The following SCP2 variants were observed in gnomAD, a reference collection of about 807,000 sequenced individuals.
SCP2 encodes SCP-2/3-oxoacyl-CoA thiolase.
A neutral mutation model predicts 71.4 loss-of-function variants in SCP2; 48 were observed. The ratio of observed to expected loss-of-function variants is 0.67; its 90% CI spans 0.53 to 0.86. The LOEUF is 0.86. SCP2 is among the 40% of genes least tolerant of loss of function. The pLI is 0.00. For synonymous variants in SCP2, 220 were observed against 218.1 expected (o/e 1.01, Z -0.08); for missense variants, 560 against 655.6 (o/e 0.85, Z 1.59).
At chr1:53,009,163 G>A (rs1351817516) in intron 11 of SCP2, among the ~76,000 whole-genome samples, 2 of 152,152 alleles carry the variant, frequency 1.3e-5, no homozygotes, top group Non-Finnish European at 2.9e-5. Flanking sequence ...CATGCTCATG[G>A]GTAGGAAGAA....
In SCP2 at chr1:53,015,717, C is replaced by T. The variant is rs1383127001; in HGVS notation, c.1235+674C>T. Among the ~76,000 whole-genome samples the T allele has an allele frequency of 2.0e-5, 3 of 152,156 alleles. No homozygotes were observed. The East Asian group carries it at 5.8e-4, about 29-fold the overall frequency. Reference sequence around the variant, plus strand: ...CCTCTGTCAGCATACATGTTCAGGTCTTCCCTTAGATCTCTTTTTCTCCTT... The same window carrying T: ...CCTCTGTCAGCATACATGTTCAGGTTTTCCCTTAGATCTCTTTTTCTCCTT... On this transcript the variant is annotated intron_variant, in intron 12 of 15. Transcript: ENST00000371514.
rs758417010 is a variant in SCP2, at chr1:53,015,026, T to C, written c.1218T>C (p.Gly406=). Residue 406 remains glycine, a synonymous_variant, in exon 12 of 16, where the codon GGT becomes GGC. Coordinates refer to ENST00000371514, the MANE Select transcript of SCP2 (RefSeq NM_002979.5). ...GAVVVTLYKM[G]FPEAASSFRT... ...TGGTTGTAACACTCTACAAGATGGGTTTTCCGGAAGCCGCCAGGTGAGTGA... is the reference window on the plus strand; with the variant it reads ...TGGTTGTAACACTCTACAAGATGGGCTTTCCGGAAGCCGCCAGGTGAGTGA... 1 of 1,614,040 alleles carries C rather than the reference T, an allele frequency of 6.2e-7. No individual in the cohort carries two copies. The highest frequency in any genetic ancestry group is 8.5e-7 in the Non-Finnish European group (1 of 1,179,956).
chr1:52,953,060 CTTT>C (rs570429324), intron 4 of SCP2, among the ~76,000 whole-genome samples: 12 of 103,664 alleles, frequency 1.2e-4, no homozygotes, highest in East Asian at 5.5e-4. Context: ...GCAATTCTGT[CTTT>C]TTTTTTTTTT....
chr1:52,937,145 G>A (rs570732008), intron 1 of SCP2, among the ~76,000 whole-genome samples: 56 of 152,088 alleles, frequency 3.7e-4, no homozygotes, highest in African/African-American at 1.3e-3. Context: ...GATCCTTATT[G>A]GTCCTTATAG....
intron 1 of SCP2, 28 bp downstream of exon 1, chr1:52,927,493 C>T: frequency 6.4e-7 from 1 of 1,557,918 alleles, no homozygotes; most frequent in Non-Finnish European, 8.7e-7. Context: ...CCTGCTGGCC[C>T]TCTGAGGCTC....
At chr1:52,990,305 G>T (rs1030860456) in intron 11 of SCP2, among the ~76,000 whole-genome samples, 1 of 151,976 alleles carries the variant, frequency 6.6e-6, no homozygotes, top group African/African-American at 2.4e-5. Context: ...ACAATAAAGG[G>T]TGACCTATGT....
Position 52,942,018 on chromosome 1 carries a change from G to T in SCP2, c.127+165G>T, listed in dbSNP as rs544209058. ...CTCACTACAAAGGAAAAGAGCTTGGGCATTCTTAGCAGCTACATAGCCAGA... is the reference window on the plus strand; with the variant it reads ...CTCACTACAAAGGAAAAGAGCTTGGTCATTCTTAGCAGCTACATAGCCAGA... On this transcript the variant is annotated intron_variant, in intron 2 of 15. Coordinates refer to ENST00000371514, the MANE Select transcript of SCP2 (RefSeq NM_002979.5). Among the ~76,000 whole-genome samples the T allele has an allele frequency of 3.3e-5, 5 of 152,290 alleles. No individual in the cohort carries two copies. In the South Asian group the frequency reaches 1.0e-3, roughly 32 times the overall value.
chr1:52,949,124 T>C (rs1349008502), intron 3 of SCP2, among the ~76,000 whole-genome samples: 5 of 152,222 alleles, frequency 3.3e-5, no homozygotes, highest in African/African-American at 1.2e-4. Context: ...ACAGTATTAT[T>C]AAAATACTAT....
At chr1:52,956,824 A>C (rs1421027330) in intron 5 of SCP2, among the ~76,000 whole-genome samples, 4 of 152,028 alleles carry the variant, frequency 2.6e-5, no homozygotes, top group Non-Finnish European at 5.9e-5. Context: ...AATTATTAAA[A>C]ATTATAGTAA....
At chr1:52,989,749 G>A (rs1659302688) in intron 11 of SCP2, among the ~76,000 whole-genome samples, 1 of 152,140 alleles carries the variant, frequency 6.6e-6, no homozygotes, top group South Asian at 2.1e-4. Flanking sequence ...GCTACCTCAG[G>A]TGCCAATTGG....
At chr1:53,017,845 C>T (rs574026861) in intron 12 of SCP2, among the ~76,000 whole-genome samples, 9 of 151,908 alleles carry the variant, frequency 5.9e-5, no homozygotes, top group Admixed American at 1.3e-4. Flanking sequence ...TTAACTTGTT[C>T]GTATTTTCTT....
chr1:53,005,132 G>A (rs1040739106), intron 11 of SCP2, among the ~76,000 whole-genome samples: 1 of 152,172 alleles, frequency 6.6e-6, no homozygotes, highest in African/African-American at 2.4e-5. Context: ...TGGGAAGCTT[G>A]AACTGGGTGG....
rs774762362 is a variant in SCP2 at position 52,927,349 on chromosome 1, G to A, written c.-48G>A. On this transcript the variant is annotated 5_prime_UTR_variant, in exon 1 of 16. Coordinates refer to ENST00000371514, the MANE Select transcript of SCP2 (RefSeq NM_002979.5). ...TCTGGTGCAGTCTCCGCCTGTCAGT[G>A]CCGGCAGTCGTCCGCGGCGCCCGCC... is the stretch of plus-strand genomic sequence containing the variant. 70 of 1,482,786 alleles carry A rather than the reference G, an allele frequency of 4.7e-5. No individual in the cohort carries two copies. Among genetic ancestry groups the A allele is most frequent in the East Asian group, 9.7e-5 (4 of 41,428 alleles). 91.9% of individuals were successfully genotyped at this position (1,482,786 alleles called of 1,614,324 possible). A position where few individuals can be genotyped will look rare whatever the true frequency, so the allele number is the denominator to read the frequency against.
chr1:52,994,342 T>C, intron 11 of SCP2: 1 of 932,812 alleles, frequency 1.1e-6, no homozygotes, highest in Non-Finnish European at 1.3e-6. Flanking sequence ...GAGATGAATA[T>C]GATATTTCAT....
At chr1:52,990,604 G>C (rs1659392205) in intron 11 of SCP2, among the ~76,000 whole-genome samples, 1 of 151,692 alleles carries the variant, frequency 6.6e-6, no homozygotes, top group Non-Finnish European at 1.5e-5. Flanking sequence ...CGTGGTGGCG[G>C]GCGCCTGCAG....
At chr1:52,971,387 T>C (rs935844129) in intron 6 of SCP2, among the ~76,000 whole-genome samples, 2 of 152,238 alleles carry the variant, frequency 1.3e-5, no homozygotes, top group Non-Finnish European at 2.9e-5. Flanking sequence ...CTCAGAATAA[T>C]TGGACAGTTT....
At chr1:52,987,983 C>A in intron 10 of SCP2, 46 bp from the exon 11 acceptor site, 1 of 960,064 alleles carries the variant, frequency 1.0e-6, no homozygotes, top group South Asian at 1.3e-5. Flanking sequence ...ATCATTTGTT[C>A]TATTGTTACT....
At chr1:53,037,430 C>T (rs1663035838) in intron 13 of SCP2, among the ~76,000 whole-genome samples, 1 of 151,918 alleles carries the variant, frequency 6.6e-6, no homozygotes, top group Admixed American at 6.6e-5. Flanking sequence ...ACATTACTTA[C>T]TTTTCTGACT....
At chr1:53,041,812 G>A (rs554668342) in intron 14 of SCP2, among the ~76,000 whole-genome samples, 12 of 152,312 alleles carry the variant, frequency 7.9e-5, no homozygotes, top group Non-Finnish European at 4.4e-5. Context: ...AGGAAAGGAT[G>A]ACATCGGGAG....
Sources: gnomAD v4.1 joint callset for allele counts (sites outside exome capture counted in the v4.1 genomes callset) on GRCh38, gnomAD v4.1.1 for gene constraint, MANE v1.5 for transcripts, NCBI Gene and HGNC (gene_info 2026-07-23, HGNC 2026-07-21) for gene names.